Variants in ARHGAP35 observed in about 807,000 individuals in gnomAD.
ARHGAP35 encodes the protein rho GTPase-activating protein 35.
In ARHGAP35, 15 loss-of-function variants were observed where a neutral mutation model predicts 111.1. That is an observed-to-expected ratio of 0.13 (90% CI 0.09 to 0.21). The LOEUF is 0.21. Among genes scored for constraint, ARHGAP35 ranks in the 10% least tolerant of loss-of-function variants. ARHGAP35 has a pLI of 1.00. For synonymous variants in ARHGAP35, 643 were observed against 710.3 expected (o/e 0.91, Z 1.51); for missense variants, 1,262 against 1,873.0 (o/e 0.67, Z 6.02).
chr19:46,965,627 G>GCT (rs1301289897), intron 3 of ARHGAP35, among the ~76,000 whole-genome samples: 3 of 152,170 alleles, frequency 2.0e-5, no homozygotes, highest in African/African-American at 7.2e-5. Context: ...TGGAACTTCA[G>GCT]GTGCACACCA....
chr19:46,935,748 A>G (rs950689437), intron 2 of ARHGAP35, among the ~76,000 whole-genome samples: 6 of 152,182 alleles, frequency 3.9e-5, no homozygotes, highest in African/African-American at 1.4e-4. Context: ...CTATTTGGTT[A>G]CTTTTCTTTT....
chr19:46,937,849 T>C (rs1421225535), intron 3 of ARHGAP35, among the ~76,000 whole-genome samples: 1 of 152,244 alleles, frequency 6.6e-6, no homozygotes, highest in Non-Finnish European at 1.5e-5. Flanking sequence ...CTCAGCATTG[T>C]TCGGATGCCT....
intron 2 of ARHGAP35, among the ~76,000 whole-genome samples, chr19:46,928,454 C>G (rs2056251385): frequency 6.6e-6 from 1 of 152,148 alleles, no homozygotes; most frequent in Admixed American, 6.5e-5. Context: ...GCAATAAGAA[C>G]TGACCCATAG....
At chr19:46,916,576 A>T (rs1362898303) in intron 1 of ARHGAP35, among the ~76,000 whole-genome samples, 6 of 152,188 alleles carry the variant, frequency 3.9e-5, no homozygotes. Context: ...ACAGAATAGA[A>T]CTAAACAGGG....
intron 1 of ARHGAP35, among the ~76,000 whole-genome samples, chr19:46,874,810 C>CTTTT (rs537873271): frequency 1.1e-5 from 1 of 88,206 alleles, no homozygotes; most frequent in African/African-American, 4.8e-5. Context: ...CAGTTTTGTC[C>CTTTT]TTTTTTTTTT....
intron 3 of ARHGAP35, 73 bp from the exon 4 acceptor site, chr19:46,987,916 G>C: frequency 2.7e-6 from 4 of 1,473,874 alleles, no homozygotes; most frequent in Non-Finnish European, 3.7e-6. Flanking sequence ...CTTTCTCCTT[G>C]TCTTCGAGCC....
intron 3 of ARHGAP35, among the ~76,000 whole-genome samples, chr19:46,938,890 C>G (rs144890680): frequency 2.0e-5 from 3 of 149,894 alleles, no homozygotes; most frequent in African/African-American, 7.4e-5. Context: ...CTCCTGACCT[C>G]GTGATCCGCC....
At chr19:46,957,837 TGCATAGG>T (rs2122261847) in intron 3 of ARHGAP35, among the ~76,000 whole-genome samples, 1 of 152,286 alleles carries the variant, frequency 6.6e-6, no homozygotes, top group Admixed American at 6.5e-5. Context: ...CAGAAGATAA[TGCATAGG>T]GCATGGTCTC....
chr19:46,883,396 C>T (rs886913430), intron 1 of ARHGAP35, among the ~76,000 whole-genome samples: 11 of 152,036 alleles, frequency 7.2e-5, no homozygotes, highest in African/African-American at 2.4e-4. Context: ...CCACTGTGCC[C>T]GGCCAATTGG....
intron 1 of ARHGAP35, among the ~76,000 whole-genome samples, chr19:46,907,682 T>G (rs1314889382): frequency 6.6e-6 from 1 of 151,362 alleles, no homozygotes; most frequent in African/African-American, 2.4e-5. Context: ...TTTCACCATG[T>G]TAGCCAGGAT....
intron 3 of ARHGAP35, among the ~76,000 whole-genome samples, chr19:46,941,607 G>T (rs1366537622): frequency 2.7e-5 from 4 of 148,562 alleles, no homozygotes; most frequent in Middle Eastern, 3.4e-3. Flanking sequence ...ACAGGGTCTC[G>T]CTCTGTTGCC....
At chr19:46,957,365 G>A (rs2056445629) in intron 3 of ARHGAP35, among the ~76,000 whole-genome samples, 1 of 152,144 alleles carries the variant, frequency 6.6e-6, no homozygotes, top group African/African-American at 2.4e-5. Context: ...GACCATCCCA[G>A]TGCTTCTGGA....
Position 46,972,809 on chromosome 19 carries a change from T to G in ARHGAP35, c.3827-15180T>G, listed in dbSNP as rs555215812. On this transcript the variant is annotated intron_variant, in intron 3 of 6. Coordinates refer to ENST00000672722, the MANE Select transcript of ARHGAP35 (RefSeq NM_004491.5). ...AATTTTCTCTTAAGAAAAATGGGATTCAGAAGGATGAAGACAGAATCTGGG... is the reference window on the plus strand; with the variant it reads ...AATTTTCTCTTAAGAAAAATGGGATGCAGAAGGATGAAGACAGAATCTGGG... 1.1e-4 allele frequency among the ~76,000 whole-genome samples: 17 copies of G among 152,278 alleles called. No homozygotes were observed. The South Asian group carries it at 3.5e-3, about 32-fold the overall frequency.
chr19:46,992,689 C>A lies in ARHGAP35; in HGVS notation c.4036+3014C>A, dbSNP rs1169431585. On this transcript the variant is annotated intron_variant, in intron 5 of 6. Transcript: ENST00000672722. The surrounding 1 kb of genome is among the most constrained non-coding windows in gnomAD (Gnocchi z 4.4). Reference sequence around the variant, plus strand: ...CCAAAGGACCTGTGGCTCCAGGGTCCGCATTAACTCCCTGTAATAGCTCAC... The same window carrying A: ...CCAAAGGACCTGTGGCTCCAGGGTCAGCATTAACTCCCTGTAATAGCTCAC... Among the ~76,000 whole-genome samples the A allele has an allele frequency of 3.9e-5, 6 of 152,158 alleles. No individual in the cohort carries two copies. Among genetic ancestry groups the A allele is most frequent in the Non-Finnish European group, 5.9e-5 (4 of 68,030 alleles).
chr19:46,996,230 A>C (rs996917997), intron 5 of ARHGAP35, among the ~76,000 whole-genome samples: 15 of 152,014 alleles, frequency 9.9e-5, no homozygotes, highest in African/African-American at 3.1e-4. Context: ...CAGCCTCCCA[A>C]ATAGCTGGGA....
intron 1 of ARHGAP35, among the ~76,000 whole-genome samples, chr19:46,891,015 T>C (rs2056021045): frequency 6.6e-6 from 1 of 152,190 alleles, no homozygotes. Context: ...GGTAATAAGC[T>C]TCCCTCTGGT....
intron 1 of ARHGAP35, among the ~76,000 whole-genome samples, chr19:46,867,283 G>T (rs971189760): frequency 5.3e-5 from 8 of 152,132 alleles, no homozygotes; most frequent in African/African-American, 1.7e-4. Flanking sequence ...TGCAGCAGTT[G>T]TGACTGTTGT....
At chr19:46,907,359 C>T (rs952542267) in intron 1 of ARHGAP35, among the ~76,000 whole-genome samples, 1 of 151,878 alleles carries the variant, frequency 6.6e-6, no homozygotes, top group Non-Finnish European at 1.5e-5. Context: ...ACCGTGTTAG[C>T]CAGGATGGTC....
Position 46,921,065 on chromosome 19 carries a change from A to C in ARHGAP35, c.2390A>C (p.Asp797Ala). The change falls in exon 2 of 7, where the codon GAT (aspartate) becomes GCT (alanine). Residue 797 changes from aspartate (D) to alanine (A), a missense_variant. Asp to Ala is a moderately radical substitution (Grantham distance 126). Around this residue, in one of 8 missense-constraint regions of ARHGAP35, gnomAD observed 579 missense variants for 716.9 expected, o/e 0.81. Coordinates refer to ENST00000672722, the MANE Select transcript of ARHGAP35 (RefSeq NM_004491.5). The surrounding 1 kb of genome is among the most constrained non-coding windows in gnomAD (Gnocchi z 4.3). ...CLMCGDPFSA[D>A]DILFPVLQSQ... ...ATGTGTGGAGATCCTTTTAGTGCAG[A>C]TGACATACTTTTTCCTGTCCTTCAG... is the stretch of plus-strand genomic sequence containing the variant. 1 of 1,613,980 alleles carries C rather than the reference A, an allele frequency of 6.2e-7. No individual in the cohort carries two copies. The highest frequency in any genetic ancestry group is 1.3e-5 in the African/African-American group (1 of 75,024).
Sources: gnomAD v4.1 joint callset for allele counts (sites outside exome capture counted in the v4.1 genomes callset) on GRCh38, gnomAD v4.1.1 for gene constraint, gnomAD v4.1.1 regional missense constraint, Gnocchi (gnomAD v3.1) non-coding constraint, MANE v1.5 for transcripts, NCBI Gene and HGNC (gene_info 2026-07-23, HGNC 2026-07-21) for gene names.